The following AIG1 variants were observed in gnomAD, a reference collection of about 807,000 sequenced individuals.
The protein encoded by AIG1 is androgen induced 1, also known as androgen-induced gene 1 protein.
Under a neutral mutation model 31.4 loss-of-function variants are expected in AIG1, and 23 were observed. That is an observed-to-expected ratio of 0.73 (90% CI 0.53 to 1.04). The LOEUF is 1.04. AIG1 is among the 50% of genes least tolerant of loss of function. AIG1 has a pLI of 0.00. For synonymous variants in AIG1, 100 were observed against 110.5 expected (o/e 0.90, Z 0.60); for missense variants, 274 against 295.0 (o/e 0.93, Z 0.52).
chr6:143,072,926 C>G (rs761461275), intron 1 of AIG1, among the ~76,000 whole-genome samples: 2 of 152,180 alleles, frequency 1.3e-5, no homozygotes, highest in African/African-American at 2.4e-5. Context: ...AGATACAGTA[C>G]AATTTTATTA....
intron 3 of AIG1, chr6:143,188,559 G>T: frequency 1.0e-6 from 1 of 985,374 alleles, no homozygotes; most frequent in Non-Finnish European, 1.2e-6. Flanking sequence ...GGCAGTCAAG[G>T]TGGGACAGCA....
chr6:143,217,831 C>T (rs1024502785), intron 3 of AIG1, among the ~76,000 whole-genome samples: 2 of 152,170 alleles, frequency 1.3e-5, no homozygotes, highest in Non-Finnish European at 2.9e-5. Flanking sequence ...GTTTTGATTA[C>T]TTAGGATAAA....
At chr6:143,072,105 A>ATTTTCAT (rs1181799796) in intron 1 of AIG1, among the ~76,000 whole-genome samples, 11 of 151,902 alleles carry the variant, frequency 7.2e-5, no homozygotes, top group Admixed American at 6.6e-5. Flanking sequence ...TGTGGTTTTA[A>ATTTTCAT]TTTTCATTTT....
chr6:143,190,312 C>G (rs753395001), intron 3 of AIG1: 6 of 985,432 alleles, frequency 6.1e-6, no homozygotes, highest in South Asian at 4.7e-5. Flanking sequence ...AGACAAGGCC[C>G]AGGCCCAGTG....
chr6:143,265,139 C>G (rs1173193505), intron 3 of AIG1, among the ~76,000 whole-genome samples: 1 of 152,146 alleles, frequency 6.6e-6, no homozygotes, highest in Non-Finnish European at 1.5e-5. Flanking sequence ...ATGTCCTTCT[C>G]CTTTCCTCCT....
intron 3 of AIG1, among the ~76,000 whole-genome samples, chr6:143,260,199 A>G (rs898477321): frequency 2.0e-5 from 3 of 151,542 alleles, no homozygotes; most frequent in African/African-American, 7.3e-5. Context: ...AATTTTTTGT[A>G]TTTTTAGTAG....
At chr6:143,275,402 A>G (rs1010361091) in intron 3 of AIG1, among the ~76,000 whole-genome samples, 3 of 151,986 alleles carry the variant, frequency 2.0e-5, no homozygotes, top group African/African-American at 7.3e-5. Context: ...ACTTCTCTAG[A>G]TCTTAAACTC....
At chr6:143,238,384 A>T (rs887599875) in intron 3 of AIG1, among the ~76,000 whole-genome samples, 12 of 152,246 alleles carry the variant, frequency 7.9e-5, no homozygotes, top group Admixed American at 5.9e-4. Flanking sequence ...GGAATCCATT[A>T]TAGAGAAAGA....
intron 2 of AIG1, among the ~76,000 whole-genome samples, chr6:143,153,461 C>T (rs575528959): frequency 1.9e-4 from 29 of 152,302 alleles, no homozygotes; most frequent in Admixed American, 5.9e-4. Flanking sequence ...GATTCTCCTG[C>T]CTCAGCCTCC....
chr6:143,241,671 C>G (rs1487188318), intron 3 of AIG1, among the ~76,000 whole-genome samples: 1 of 152,266 alleles, frequency 6.6e-6, no homozygotes, highest in East Asian at 1.9e-4. Flanking sequence ...CTGTTTTTCT[C>G]CCTATTTTAT....
chr6:143,193,161 G>C (rs35192590), intron 3 of AIG1, among the ~76,000 whole-genome samples: 178 of 152,300 alleles, frequency 1.2e-3, no homozygotes, highest in Admixed American at 3.6e-3. Context: ...CTCAATATGA[G>C]TGTATCCATG....
At chr6:143,142,854 T>G (rs965263351) in intron 2 of AIG1, among the ~76,000 whole-genome samples, 1 of 152,214 alleles carries the variant, frequency 6.6e-6, no homozygotes, top group African/African-American at 2.4e-5. Flanking sequence ...GAAAATGGAT[T>G]TAAAATCTCA....
chr6:143,059,839 A>G (rs1776095821), upstream of AIG1, among the ~76,000 whole-genome samples: 2 of 152,232 alleles, frequency 1.3e-5, no homozygotes, highest in Admixed American at 6.5e-5. Flanking sequence ...CGAACCTGCA[A>G]CTGGTTGGCT....
chr6:143,196,101 C>T (rs1790199762), intron 3 of AIG1, among the ~76,000 whole-genome samples: 1 of 152,134 alleles, frequency 6.6e-6, no homozygotes, highest in South Asian at 2.1e-4. Flanking sequence ...AACTTTTTCC[C>T]AGCTTCATGA....
intron 4 of AIG1, among the ~76,000 whole-genome samples, chr6:143,316,217 G>GA (rs939495221): frequency 6.6e-6 from 1 of 152,048 alleles, no homozygotes; most frequent in African/African-American, 2.4e-5. Flanking sequence ...AAATATCTGA[G>GA]AAAAGCTGCA....
intron 3 of AIG1, among the ~76,000 whole-genome samples, chr6:143,198,883 T>G (rs1490287047): frequency 6.6e-6 from 1 of 152,176 alleles, no homozygotes. Flanking sequence ...ATGTCTATTC[T>G]TGTGGAAAAA....
At chr6:143,099,701 G>C (rs1780083786) in intron 1 of AIG1, 1 of 152,172 alleles carries the variant, frequency 6.6e-6, no homozygotes, top group East Asian at 1.9e-4. Context: ...TAGAAATAGT[G>C]TGTTTAAGTG....
intron 2 of AIG1, chr6:143,164,814 G>A (rs554675026): frequency 1.7e-4 from 51 of 304,840 alleles, no homozygotes; most frequent in African/African-American, 1.1e-3. Context: ...AGCTGTACAC[G>A]AAAACAGGCC....
intron 3 of AIG1, chr6:143,188,016 C>T: frequency 2.7e-6 from 3 of 1,104,902 alleles, no homozygotes; most frequent in Non-Finnish European, 3.3e-6. Context: ...TGGCATACCA[C>T]TTTTGTTTCT....
Sources: gnomAD v4.1 joint callset for allele counts (sites outside exome capture counted in the v4.1 genomes callset) on GRCh38, gnomAD v4.1.1 for gene constraint, MANE v1.5 for transcripts, NCBI Gene and HGNC (gene_info 2026-07-23, HGNC 2026-07-21) for gene names.